PRMT1: variants seen among roughly 807,000 people sequenced by gnomAD.
PRMT1 encodes protein arginine N-methyltransferase 1.
Under a neutral mutation model 47.4 loss-of-function variants are expected in PRMT1, and 5 were observed. The observed-to-expected ratio is 0.11, with a 90% CI of 0.06 to 0.22. PRMT1 has a LOEUF of 0.22. Among genes scored for constraint, PRMT1 ranks in the 10% least tolerant of loss-of-function variants. The pLI, the probability that PRMT1 is intolerant of heterozygous loss-of-function variation, is 1.00. For synonymous variants in PRMT1, 227 were observed against 204.6 expected (o/e 1.11, Z -0.94); for missense variants, 249 against 518.4 (o/e 0.48, Z 5.05).
Position 49,685,692 on chromosome 19 carries a change from C to T in PRMT1, c.760-401C>T, listed in dbSNP as rs1235908067. 1.4e-5 allele frequency: 15 copies of T among 1,038,306 alleles called. No individual in the cohort carries two copies. The highest frequency in any genetic ancestry group is 7.1e-5 in the South Asian group (2 of 28,234). 64.3% of individuals were successfully genotyped at this position (1,038,306 alleles called of 1,614,324 possible). On this transcript the variant is annotated intron_variant, in intron 8 of 10. Transcript: ENST00000454376. The surrounding 1 kb of genome is among the most constrained non-coding windows in gnomAD (Gnocchi z 4.7). ...AGACTACAGGGGCAGGGACCCCACT[C>T]GGGCCACCCTCCTGAGAGCCAGGGG...
chr19:49,685,615 G>C lies in PRMT1; in HGVS notation c.760-478G>C. ...GTGAGCCGGGTGAAGCTGGGTGGCT[G>C]ACCGGGGGATCCTGTCGGGGAGGAG... On this transcript the variant is annotated intron_variant, in intron 8 of 10. Coordinates refer to ENST00000454376, the MANE Select transcript of PRMT1 (RefSeq NM_001536.6). This position sits in a 1 kb window ranked among gnomAD's most constrained non-coding sequence, Gnocchi z 4.7. The C allele has an allele frequency of 9.8e-7, 1 of 1,016,258 alleles. No homozygotes were observed. Among genetic ancestry groups the C allele is most frequent in the Non-Finnish European group, 1.2e-6 (1 of 848,966 alleles). 63.0% of individuals were successfully genotyped at this position (1,016,258 alleles called of 1,614,324 possible). A position where few individuals can be genotyped will look rare whatever the true frequency, so the allele number is the denominator to read the frequency against.
In PRMT1 at chr19:49,685,063, C is replaced by A. The variant is rs770204812; in HGVS notation, c.759+26C>A. 6.2e-7 allele frequency: 1 copy of A among 1,613,880 alleles called. No homozygotes were observed. The highest frequency in any genetic ancestry group is 1.1e-5 in the South Asian group (1 of 91,054). On this transcript the variant is annotated intron_variant, in intron 8 of 10. Transcript: ENST00000454376. The surrounding 1 kb of genome is among the most constrained non-coding windows in gnomAD (Gnocchi z 4.7). The stretch of plus-strand genomic sequence containing the variant: ...GTGAGGGGGTGGGCATGGCCAGGTG[C>A]CCCCTGGGTTGAAACCAAAGAGAGG...
At position 49,681,824 on chromosome 19, in the gene PRMT1, C is replaced by T. The variant is rs538440822; in HGVS notation, c.193-86C>T. On this transcript the variant is annotated intron_variant, in intron 3 of 10. Transcript: ENST00000454376. This position sits in a 1 kb window ranked among gnomAD's most constrained non-coding sequence, Gnocchi z 4.4. ...TGGAAGAAAGCGAGAGGGCCGAGCT[C>T]TGGCCCTCCGAGCTCTCAGGACACG... is the stretch of plus-strand genomic sequence containing the variant. The T allele has an allele frequency of 5.7e-6, 8 of 1,402,892 alleles. No homozygotes were observed. The African/African-American group carries it at 1.0e-4, about 18-fold the overall frequency. 86.9% of individuals were successfully genotyped at this position (1,402,892 alleles called of 1,614,324 possible). A position where few individuals can be genotyped will look rare whatever the true frequency, so the allele number is the denominator to read the frequency against.
chr19:49,677,269 G>T (rs766320814), upstream of PRMT1: 10 of 1,421,428 alleles, frequency 7.0e-6, no homozygotes, highest in Non-Finnish European at 9.2e-6. Context: ...GGAGGAGTAG[G>T]TGCGGGTGAA....
Position 49,685,197 on chromosome 19 carries a change from C to A in PRMT1, c.759+160C>A. The A allele has an allele frequency of 2.0e-6, 3 of 1,536,842 alleles. No individual in the cohort carries two copies. Among genetic ancestry groups the A allele is most frequent in the Non-Finnish European group, 2.6e-6 (3 of 1,145,404 alleles). On this transcript the variant is annotated intron_variant, in intron 8 of 10. Coordinates refer to ENST00000454376, the MANE Select transcript of PRMT1 (RefSeq NM_001536.6). This position sits in a 1 kb window ranked among gnomAD's most constrained non-coding sequence, Gnocchi z 4.7. ...TGCTAGAGGCCCAGGAAAGACACTT[C>A]GTCCTTTAAATATCTTTGTGAGCGC...
chr19:49,686,010 GC>G, intron 8 of PRMT1, 82 bp from the exon 9 acceptor site: 4 of 1,542,718 alleles, frequency 2.6e-6, no homozygotes, highest in Non-Finnish European at 8.7e-7. Flanking sequence ...GAGGTCACAG[GC>G]CCTCTGGGAG....
rs1213012881 is a variant in PRMT1, at chr19:49,680,139, C to T, written c.90+214C>T. On this transcript the variant is annotated intron_variant, in intron 2 of 10. Coordinates refer to ENST00000454376, the MANE Select transcript of PRMT1 (RefSeq NM_001536.6). This position sits in a 1 kb window ranked among gnomAD's most constrained non-coding sequence, Gnocchi z 4.2. ...GCTACTTCCTTAACTCCACCTCCAA[C>T]CCCCCTTTGCCCTTCCCTGTGTCTG... is the stretch of plus-strand genomic sequence containing the variant. The T allele has an allele frequency of 5.2e-6, 7 of 1,335,604 alleles. No individual in the cohort carries two copies. In the Admixed American group the frequency reaches 5.9e-5, roughly 11 times the overall value. The allele number at this position is 1,335,604 out of a possible 1,614,324, so 82.7% of individuals were successfully genotyped here. A position where few individuals can be genotyped will look rare whatever the true frequency, so the allele number is the denominator to read the frequency against.
chr19:49,686,270 G>A (rs1366678179), intron 9 of PRMT1, 27 bp downstream of exon 9: 1 of 1,566,452 alleles, frequency 6.4e-7, no homozygotes, highest in South Asian at 1.2e-5. Flanking sequence ...AGGGCTGGGG[G>A]CCGTTCCCGA....
chr19:49,687,655 C>T (rs991376548), intron 10 of PRMT1, among the ~76,000 whole-genome samples: 3 of 152,182 alleles, frequency 2.0e-5, no homozygotes, highest in South Asian at 2.1e-4. Context: ...CCTACAAAGA[C>T]TCATGCAGCC....
Position 49,680,467 on chromosome 19 carries a change from T to G in PRMT1, c.91-20T>G, listed in dbSNP as rs1391976289. The G allele has an allele frequency of 3.1e-6, 5 of 1,594,344 alleles. No individual in the cohort carries two copies. Among genetic ancestry groups the G allele is most frequent in the Non-Finnish European group, 4.3e-6 (5 of 1,162,170 alleles). On this transcript the variant is annotated intron_variant, in intron 2 of 10. Transcript: ENST00000454376. This position sits in a 1 kb window ranked among gnomAD's most constrained non-coding sequence, Gnocchi z 4.2. Reference sequence around the variant, plus strand: ...GGGAGCCCCCAGATCTGACCCATGATCCCATCGGCCCCCTCCCAGGTGTCC... The same window carrying G: ...GGGAGCCCCCAGATCTGACCCATGAGCCCATCGGCCCCCTCCCAGGTGTCC...
chr19:49,682,389 G>C, intron 5 of PRMT1, 130 bp downstream of exon 5: 1 of 975,478 alleles, frequency 1.0e-6, no homozygotes, highest in South Asian at 1.5e-5. Flanking sequence ...TGGTCTTTTG[G>C]GCTGCCGGCC....
Position 49,680,449 on chromosome 19 carries a change from C to T in PRMT1, c.91-38C>T, listed in dbSNP as rs893563029. The T allele has an allele frequency of 6.5e-7, 1 of 1,530,266 alleles. No homozygotes were observed. The highest frequency in any genetic ancestry group is 1.4e-5 in the African/African-American group (1 of 73,148). 94.8% of individuals were successfully genotyped at this position (1,530,266 alleles called of 1,614,324 possible). A position where few individuals can be genotyped will look rare whatever the true frequency, so the allele number is the denominator to read the frequency against. ...GAGGTTTAAGAGGCTGTGGGGAGCCCCCAGATCTGACCCATGATCCCATCG... is the reference window on the plus strand; with the variant it reads ...GAGGTTTAAGAGGCTGTGGGGAGCCTCCAGATCTGACCCATGATCCCATCG... On this transcript the variant is annotated intron_variant, in intron 2 of 10. Transcript: ENST00000454376. This position sits in a 1 kb window ranked among gnomAD's most constrained non-coding sequence, Gnocchi z 4.2.
chr19:49,677,808 G>A (rs2082059907), intron 1 of PRMT1, among the ~76,000 whole-genome samples: 1 of 152,150 alleles, frequency 6.6e-6, no homozygotes, highest in Non-Finnish European at 1.5e-5. Flanking sequence ...AGTCTCTTGG[G>A]AGGAGCAGTG....
upstream of PRMT1, chr19:49,676,976 C>G (rs1017501198): frequency 2.8e-6 from 1 of 351,338 alleles, no homozygotes; most frequent in African/African-American, 2.1e-5. Flanking sequence ...GAGGGCATTC[C>G]TGGTGGATTT....
intron 9 of PRMT1, 59 bp downstream of exon 9, chr19:49,686,302 C>T (rs2082203701): frequency 9.9e-6 from 15 of 1,521,052 alleles, no homozygotes; most frequent in East Asian, 2.5e-5. Flanking sequence ...GGCGCACCCA[C>T]GTAGTGGAGG....
chr19:49,682,743 C>T (rs1469856157), intron 5 of PRMT1, among the ~76,000 whole-genome samples: 1 of 149,120 alleles, frequency 6.7e-6, no homozygotes, highest in African/African-American at 2.5e-5. Context: ...GGCATCCGCT[C>T]TTTTGCATGA....
chr19:49,677,456 A>T, intron 1 of PRMT1, 140 bp downstream of exon 1: 1 of 636,168 alleles, frequency 1.6e-6, no homozygotes, highest in Non-Finnish European at 2.3e-6. Flanking sequence ...CACGTTCCAC[A>T]TCCGGGGATA....
chr19:49,686,471 C>T (rs2082205884), intron 9 of PRMT1, 134 bp from the exon 10 acceptor site: 2 of 1,198,394 alleles, frequency 1.7e-6, no homozygotes, highest in East Asian at 2.6e-5. Flanking sequence ...CTCCAAAGCT[C>T]AATGACAGGG....
intron 1 of PRMT1, among the ~76,000 whole-genome samples, chr19:49,678,504 ATAG>A (rs1341661002): frequency 6.6e-6 from 1 of 152,110 alleles, no homozygotes; most frequent in Non-Finnish European, 1.5e-5. Context: ...CTTTCTTCTT[ATAG>A]GCATCCCCGC....
Sources: allele counts gnomAD v4.1 joint callset (sites outside exome capture counted in the v4.1 genomes callset), GRCh38; gene constraint gnomAD v4.1.1; non-coding constraint Gnocchi (gnomAD v3.1); transcripts MANE v1.5; gene names NCBI Gene and HGNC (gene_info 2026-07-23, HGNC 2026-07-21).